Variants in MAGI2 observed in about 807,000 individuals in gnomAD.
The protein encoded by MAGI2 is membrane-associated guanylate kinase, WW and PDZ domain-containing protein 2.
Under a neutral mutation model 133.3 loss-of-function variants are expected in MAGI2, and 35 were observed. The observed-to-expected ratio is 0.26, with a 90% CI of 0.20 to 0.35. The LOEUF (loss-of-function observed/expected upper bound fraction) is 0.35, where lower values mean the gene tolerates loss of function less well. Ranked by LOEUF, MAGI2 falls within the 10% of genes least tolerant of loss-of-function variation. The pLI, the probability that MAGI2 is intolerant of heterozygous loss-of-function variation, is 1.00. For missense variants in MAGI2, 1,636 were observed against 1,863.4 expected, an observed-to-expected ratio of 0.88 and a Z score of 2.25; for synonymous variants, 729 against 710.6, an observed-to-expected ratio of 1.03 and a Z score of -0.41.
intron 2 of MAGI2, among the ~76,000 whole-genome samples, chr7:78,655,463 A>AAAAAAACAAAAAAC (rs1584982800): frequency 2.1e-5 from 3 of 145,812 alleles, no homozygotes; most frequent in South Asian, 2.1e-4. Flanking sequence ...CCAAAAAAAA[A>AAAAAAACAAAAAAC]AAAAAAAAAA....
chr7:79,216,335 T>C (rs1830036812), intron 1 of MAGI2, among the ~76,000 whole-genome samples: 1 of 151,846 alleles, frequency 6.6e-6, no homozygotes, highest in Admixed American at 6.6e-5. Flanking sequence ...ATCAAACCCC[T>C]GCATTCACCA....
At chr7:79,363,469 C>G (rs1033434806) in intron 1 of MAGI2, among the ~76,000 whole-genome samples, 1 of 150,536 alleles carries the variant, frequency 6.6e-6, no homozygotes, top group Admixed American at 6.6e-5. Context: ...AAAATCTATT[C>G]TAAAGTTTAT....
intron 1 of MAGI2, among the ~76,000 whole-genome samples, chr7:79,378,958 A>G (rs1172438939): frequency 3.5e-5 from 3 of 86,452 alleles, no homozygotes; most frequent in African/African-American, 1.3e-4. Context: ...ATATATATAT[A>G]TATATATATA....
chr7:78,234,204 C>T (rs182731221), intron 10 of MAGI2, among the ~76,000 whole-genome samples: 85 of 152,216 alleles, frequency 5.6e-4, no homozygotes, highest in Non-Finnish European at 2.5e-4. Context: ...TCCATGCTTC[C>T]CTTGTTAAAT....
In MAGI2 at chr7:79,293,779, C is replaced by A. The variant is rs1836687833; in HGVS notation, c.301+159241G>T. On this transcript the variant is annotated intron_variant, in intron 1 of 21. Coordinates refer to ENST00000354212, the MANE Select transcript of MAGI2 (RefSeq NM_012301.4). ...AGCCTACACCGGGAGACCTCTCAGG[C>A]CTCCTAGTCATTAAATAAACATTTG... Among the ~76,000 whole-genome samples, 7 of 152,298 alleles carry A rather than the reference C, an allele frequency of 4.6e-5. No individual in the cohort carries two copies. In the South Asian group the frequency reaches 1.4e-3, roughly 32 times the overall value.
At chr7:79,093,405 AT>A (rs1270167453) in intron 1 of MAGI2, among the ~76,000 whole-genome samples, 7 of 152,196 alleles carry the variant, frequency 4.6e-5, no homozygotes, top group African/African-American at 1.4e-4. Context: ...TAAAGCAAAT[AT>A]TGCAATAAAG....
At chr7:78,924,333 C>G (rs371720090) in intron 2 of MAGI2, among the ~76,000 whole-genome samples, 6 of 151,938 alleles carry the variant, frequency 3.9e-5, no homozygotes, top group Admixed American at 1.3e-4. Flanking sequence ...CTGTGGGTTT[C>G]TCATAGATAG....
At chr7:78,458,082 G>A (rs371028084) in intron 6 of MAGI2, among the ~76,000 whole-genome samples, 3 of 152,152 alleles carry the variant, frequency 2.0e-5, no homozygotes, top group East Asian at 3.9e-4. Context: ...CAGATCATGA[G>A]GTCAGGAGAT....
chr7:78,281,896 AAGG>A (rs909386890), intron 9 of MAGI2, among the ~76,000 whole-genome samples: 1 of 151,804 alleles, frequency 6.6e-6, no homozygotes, highest in African/African-American at 2.4e-5. Context: ...AAAAAAAAAA[AAGG>A]AGAAAACTTG....
chr7:78,900,193 TACTC>T (rs1232060411), intron 2 of MAGI2, among the ~76,000 whole-genome samples: 1 of 152,188 alleles, frequency 6.6e-6, no homozygotes, highest in East Asian at 1.9e-4. Context: ...GATGGACCCT[TACTC>T]ACTAGTGCTT....
Position 78,638,088 on chromosome 7 carries a change from AG to A in MAGI2, c.419-10850del, listed in dbSNP as rs1446468688. Among the ~76,000 whole-genome samples, 6 of 151,916 alleles carry A rather than the reference AG, an allele frequency of 3.9e-5. 1 individual carries two copies. The highest frequency in any genetic ancestry group is 7.4e-5 in the Non-Finnish European group (5 of 67,958). On this transcript the variant is annotated intron_variant, in intron 2 of 21. Transcript: ENST00000354212. ...AAGAAAAAAATAAAAAGAAAAGAAA[AG>A]AAAAAAAAAAGAAAGCTGAACTCAT...
At position 78,533,133 on chromosome 7, in the gene MAGI2, A is replaced by G. The variant is rs143520696; in HGVS notation, c.539-11488T>C. ...ATTTTTTGTATTTTTAGTAGAGAGG[A>G]AATCAACTAATTCTTTAAAGGTGTA... On this transcript the variant is annotated intron_variant, in intron 3 of 21. Transcript: ENST00000354212. Among the ~76,000 whole-genome samples the G allele has an allele frequency of 2.1e-3, 321 of 152,190 alleles. 2 individuals carry two copies. Among genetic ancestry groups the G allele is most frequent in the African/African-American group, 7.3e-3 (305 of 41,510 alleles).
intron 2 of MAGI2, among the ~76,000 whole-genome samples, chr7:78,708,979 T>A (rs1244552593): frequency 6.6e-6 from 1 of 152,096 alleles, no homozygotes; most frequent in Non-Finnish European, 1.5e-5. Context: ...TGTCTCCTTC[T>A]CTCCATCCCC....
chr7:79,155,085 C>G (rs78543861), intron 1 of MAGI2, among the ~76,000 whole-genome samples: 4 of 152,154 alleles, frequency 2.6e-5, no homozygotes, highest in Non-Finnish European at 5.9e-5. Context: ...TCACAAGGCA[C>G]ATCCCATGGC....
At chr7:78,773,032 A>C (rs1585370197) in intron 2 of MAGI2, among the ~76,000 whole-genome samples, 2 of 152,110 alleles carry the variant, frequency 1.3e-5, no homozygotes, top group African/African-American at 4.8e-5. Context: ...TTGGCCATGG[A>C]GTCACTTTCC....
chr7:78,759,415 G>T (rs1824265985), intron 2 of MAGI2, among the ~76,000 whole-genome samples: 2 of 152,082 alleles, frequency 1.3e-5, no homozygotes, highest in South Asian at 4.1e-4. Context: ...TAAAAGTAAT[G>T]AAATCACAAA....
intron 1 of MAGI2, among the ~76,000 whole-genome samples, chr7:79,327,611 G>GTT (rs1006037137): frequency 1.8e-4 from 28 of 152,106 alleles, no homozygotes; most frequent in Non-Finnish European, 5.9e-5. Context: ...CAGTCAAAGA[G>GTT]TTTTTTCAGA....
chr7:78,213,130 G>A (rs1787933152), intron 10 of MAGI2, among the ~76,000 whole-genome samples: 2 of 152,038 alleles, frequency 1.3e-5, no homozygotes, highest in South Asian at 2.1e-4. Context: ...ATGCCTAAGT[G>A]TTAATTTGTT....
At position 78,760,355 on chromosome 7, in the gene MAGI2, T is replaced by C. The variant is rs538006249; in HGVS notation, c.419-133116A>G. 9.4e-4 allele frequency among the ~76,000 whole-genome samples: 130 copies of C among 138,212 alleles called. No homozygotes were observed. The East Asian group carries it at 0.012, about 13-fold the overall frequency. The allele number at this position is 138,212 out of a possible 152,430, so 90.7% of individuals were successfully genotyped here. ...TTAGAGTCCTACAACTGGACTTTAA[T>C]TCTCTCTTTTTTTTTTTTTTTTTTG... On this transcript the variant is annotated intron_variant, in intron 2 of 21. Transcript: ENST00000354212.
Sources: gnomAD v4.1 joint callset for allele counts (sites outside exome capture counted in the v4.1 genomes callset) on GRCh38, gnomAD v4.1.1 for gene constraint, MANE v1.5 for transcripts, NCBI Gene and HGNC (gene_info 2026-07-23, HGNC 2026-07-21) for gene names.